ZNF385D: variants seen among roughly 807,000 people sequenced by gnomAD.
The protein encoded by ZNF385D is zinc finger protein 659.
A neutral mutation model predicts 35.8 loss-of-function variants in ZNF385D; 15 were observed. The ratio of observed to expected loss-of-function variants is 0.42; its 90% CI spans 0.28 to 0.64. The LOEUF (loss-of-function observed/expected upper bound fraction) is 0.64. ZNF385D is among the 30% of genes least tolerant of loss of function. The pLI, the probability that ZNF385D is intolerant of heterozygous loss-of-function variation, is 0.23. For synonymous variants in ZNF385D, 212 were observed against 186.8 expected (o/e 1.13, Z -1.10); for missense variants, 474 against 494.6 (o/e 0.96, Z 0.39).
chr3:21,676,331 G>A (rs1304108152), intron 1 of ZNF385D, among the ~76,000 whole-genome samples: 1 of 152,118 alleles, frequency 6.6e-6, no homozygotes, highest in Admixed American at 6.6e-5. Flanking sequence ...CTTGAGCTCT[G>A]TTTAGTCTCG....
rs139665901 is a variant in ZNF385D at position 21,843,906 on chromosome 3, G to C, written c.326-178878C>G. Among the ~76,000 whole-genome samples, 1,340 of 151,920 alleles carry C rather than the reference G, an allele frequency of 8.8e-3. 20 individuals carry two copies. The highest frequency in any genetic ancestry group is 0.029 in the African/African-American group (1,193 of 41,472). ...ATTCAAAGCATCTCATTTCCTGCTG[G>C]GGAACAAAGTTGAAACAGACATAGA... On this transcript the variant is annotated intron_variant, in intron 3 of 5. Transcript: ENST00000494108.
At chr3:21,456,125 T>G (rs1298154722) in intron 4 of ZNF385D, among the ~76,000 whole-genome samples, 3 of 152,188 alleles carry the variant, frequency 2.0e-5, no homozygotes, top group Admixed American at 6.5e-5. Context: ...GGAACACTTT[T>G]ACACTGTTGG....
intron 2 of ZNF385D, among the ~76,000 whole-genome samples, chr3:22,234,635 T>G (rs1699076949): frequency 6.6e-6 from 1 of 152,084 alleles, no homozygotes; most frequent in South Asian, 2.1e-4. Flanking sequence ...TTATTTATGT[T>G]TACTTAAGGG....
chr3:22,285,905 C>T (rs1050797486), intron 2 of ZNF385D, among the ~76,000 whole-genome samples: 14 of 151,984 alleles, frequency 9.2e-5, no homozygotes, highest in South Asian at 4.1e-4. Context: ...TATGCCAAAC[C>T]GTATTCTGAG....
chr3:21,510,455 C>G (rs1707117786), intron 4 of ZNF385D, among the ~76,000 whole-genome samples: 1 of 152,128 alleles, frequency 6.6e-6, no homozygotes, highest in African/African-American at 2.4e-5. Context: ...TTATTGGGGC[C>G]TTCTCAATTC....
intron 3 of ZNF385D, among the ~76,000 whole-genome samples, chr3:21,790,268 G>T (rs1186166659): frequency 6.6e-6 from 1 of 151,716 alleles, no homozygotes; most frequent in Non-Finnish European, 1.5e-5. Flanking sequence ...AATTAAAAAA[G>T]TGGCTCATAA....
chr3:21,663,588 T>A (rs2066301420), intron 2 of ZNF385D, among the ~76,000 whole-genome samples: 1 of 151,944 alleles, frequency 6.6e-6, no homozygotes, highest in African/African-American at 2.4e-5. Context: ...TAAGGGAATT[T>A]GATGCTGAGC....
At chr3:21,738,871 A>C (rs2069372587) in intron 1 of ZNF385D, among the ~76,000 whole-genome samples, 1 of 152,234 alleles carries the variant, frequency 6.6e-6, no homozygotes. Context: ...AAGCAAGAGT[A>C]GCTTCTGCTT....
chr3:22,194,566 A>G (rs1030125743), intron 2 of ZNF385D, among the ~76,000 whole-genome samples: 1 of 151,960 alleles, frequency 6.6e-6, no homozygotes, highest in African/African-American at 2.4e-5. Flanking sequence ...AAAATTCCAT[A>G]AATTTTAACA....
intron 1 of ZNF385D, among the ~76,000 whole-genome samples, chr3:21,726,290 C>G (rs1026080285): frequency 1.3e-5 from 2 of 152,130 alleles, no homozygotes; most frequent in African/African-American, 2.4e-5. Context: ...CCCTCTCTCA[C>G]CACTCCTATT....
intron 2 of ZNF385D, among the ~76,000 whole-genome samples, chr3:21,613,090 A>G (rs940713076): frequency 6.6e-6 from 1 of 151,426 alleles, no homozygotes; most frequent in South Asian, 2.1e-4. Context: ...CACCCTGAAC[A>G]TATCTGTTAT....
chr3:22,082,014 T>A (rs559069383), intron 3 of ZNF385D, among the ~76,000 whole-genome samples: 97 of 151,054 alleles, frequency 6.4e-4, no homozygotes, highest in African/African-American at 2.3e-3. Flanking sequence ...TTTTTTTGCT[T>A]GTTTAATATT....
intron 3 of ZNF385D, among the ~76,000 whole-genome samples, chr3:22,025,743 G>A (rs1353172482): frequency 6.6e-6 from 1 of 152,174 alleles, no homozygotes; most frequent in African/African-American, 2.4e-5. Flanking sequence ...TGGGATGGTG[G>A]AGTGGGTTAA....
intron 3 of ZNF385D, among the ~76,000 whole-genome samples, chr3:21,810,733 C>A (rs1323089246): frequency 1.3e-5 from 2 of 151,760 alleles, no homozygotes; most frequent in Non-Finnish European, 2.9e-5. Flanking sequence ...AATTATTAAA[C>A]AAAATGAATC....
intron 3 of ZNF385D, among the ~76,000 whole-genome samples, chr3:21,854,060 G>A (rs1200085957): frequency 3.3e-5 from 5 of 151,812 alleles, no homozygotes; most frequent in Non-Finnish European, 5.9e-5. Context: ...CATATTTAAG[G>A]TTTGTACATT....
intron 2 of ZNF385D, among the ~76,000 whole-genome samples, chr3:21,644,222 T>A (rs567210849): frequency 2.6e-4 from 40 of 152,232 alleles, no homozygotes; most frequent in Non-Finnish European, 4.6e-4. Context: ...ACCAAAACAT[T>A]TCTGATATTC....
At chr3:21,759,990 T>C (rs1483648465) in intron 3 of ZNF385D, among the ~76,000 whole-genome samples, 1 of 152,188 alleles carries the variant, frequency 6.6e-6, no homozygotes, top group African/African-American at 2.4e-5. Context: ...GTGCCTCCAG[T>C]CAAATACAGT....
At position 21,642,428 on chromosome 3, in the gene ZNF385D, G is replaced by T. The variant is rs116223444; in HGVS notation, c.165+22458C>A. 3.6e-3 allele frequency among the ~76,000 whole-genome samples: 553 copies of T among 151,994 alleles called. 2 individuals are homozygous for T. The highest frequency in any genetic ancestry group is 0.012 in the African/African-American group (510 of 41,496). ...CAGTTAAACACTGCCACTTCACTGG[G>T]ATTACAGGTGTGAGCCACCACACCC... On this transcript the variant is annotated intron_variant, in intron 2 of 7. Transcript: ENST00000281523.
intron 3 of ZNF385D, among the ~76,000 whole-genome samples, chr3:21,551,353 A>C (rs1373095600): frequency 6.6e-6 from 1 of 152,178 alleles, no homozygotes; most frequent in African/African-American, 2.4e-5. Context: ...GCCTTGTACA[A>C]ATCTATACTC....
Sources: allele counts gnomAD v4.1 joint callset (sites outside exome capture counted in the v4.1 genomes callset), GRCh38; gene constraint gnomAD v4.1.1; transcripts MANE v1.5; gene names NCBI Gene and HGNC (gene_info 2026-07-23, HGNC 2026-07-21).